The following ANAPC7 variants were observed in gnomAD, a reference collection of about 807,000 sequenced individuals.
The protein encoded by ANAPC7 is anaphase promoting complex subunit 7.
Under a neutral mutation model 63.3 loss-of-function variants are expected in ANAPC7, and 25 were observed. The ratio of observed to expected loss-of-function variants is 0.39; its 90% CI spans 0.29 to 0.55. The LOEUF (loss-of-function observed/expected upper bound fraction) is 0.55, where lower values mean the gene tolerates loss of function less well. ANAPC7 is among the 20% of genes least tolerant of loss of function. ANAPC7 has a pLI of 0.57. For synonymous variants in ANAPC7, 241 were observed against 251.7 expected (o/e 0.96, Z 0.40); for missense variants, 516 against 691.7 (o/e 0.75, Z 2.85).
intron 1 of ANAPC7, among the ~76,000 whole-genome samples, chr12:110,402,721 A>G (rs1024506119): frequency 6.6e-6 from 1 of 151,996 alleles, no homozygotes; most frequent in Non-Finnish European, 1.5e-5. Context: ...CGCCACGCCC[A>G]CCCATTAATG....
intron 1 of ANAPC7, among the ~76,000 whole-genome samples, chr12:110,399,022 C>CTT (rs764219174): frequency 2.8e-4 from 38 of 136,256 alleles, no homozygotes; most frequent in African/African-American, 8.0e-4. Context: ...CTGAATAATT[C>CTT]TTTTTTTTTT....
chr12:110,403,053 G>A (rs1263110554), intron 1 of ANAPC7, among the ~76,000 whole-genome samples: 1 of 152,152 alleles, frequency 6.6e-6, no homozygotes, highest in Non-Finnish European at 1.5e-5. Context: ...CGTTTTCAGG[G>A]GTTTCCCAAG....
At chr12:110,394,584 C>T (rs2137977741) in intron 3 of ANAPC7, among the ~76,000 whole-genome samples, 1 of 141,662 alleles carries the variant, frequency 7.1e-6, no homozygotes, top group East Asian at 2.1e-4. Context: ...AGCCCCCATG[C>T]TATTGCACTC....
intron 6 of ANAPC7, 146 bp from the exon 7 acceptor site, chr12:110,383,106 C>A: frequency 1.7e-6 from 1 of 595,010 alleles, no homozygotes; most frequent in Non-Finnish European, 3.0e-6. Flanking sequence ...CAGGCTCCTC[C>A]AACTACTATT....
intron 5 of ANAPC7, chr12:110,387,432 ACC>A (rs112118902): frequency 0.014 from 1,239 of 89,082 alleles, 188 homozygotes; most frequent in African/African-American, 0.086. Flanking sequence ...AGAGAGAGAG[ACC>A]GACCTTGTCT....
intron 9 of ANAPC7, 137 bp from the exon 10 acceptor site, chr12:110,376,353 T>C (rs1293850269): frequency 1.4e-5 from 13 of 928,170 alleles, no homozygotes; most frequent in East Asian, 5.3e-5. Flanking sequence ...TGAAGCCCTA[T>C]TCAGTTAAGA....
At chr12:110,399,794 CAAAA>C (rs60764482) in intron 1 of ANAPC7, among the ~76,000 whole-genome samples, 4 of 60,664 alleles carry the variant, frequency 6.6e-5, no homozygotes, top group Admixed American at 1.9e-4. Flanking sequence ...CTGTCTCAGA[CAAAA>C]AAAAAAAAAA....
chr12:110,387,311 C>CAGAGAGAGAGAGAGAG (rs1566269029), intron 5 of ANAPC7: 1 of 33,478 alleles, frequency 3.0e-5, no homozygotes, highest in Non-Finnish European at 5.5e-5. Context: ...GAGAGAGAGA[C>CAGAGAGAGAGAGAGAG]AGAGAGACAG....
intron 7 of ANAPC7, among the ~76,000 whole-genome samples, chr12:110,382,440 TTAAA>T (rs1429595888): frequency 1.9e-4 from 5 of 26,758 alleles, no homozygotes; most frequent in Admixed American, 6.2e-4. Flanking sequence ...GATTATCCTT[TTAAA>T]AAAAAAAAAA....
intron 6 of ANAPC7, among the ~76,000 whole-genome samples, chr12:110,385,102 TA>T (rs952726139): frequency 6.6e-6 from 1 of 151,880 alleles, no homozygotes; most frequent in Non-Finnish European, 1.5e-5. Flanking sequence ...CCGTCTCTTC[TA>T]AAAAAATACA....
intron 9 of ANAPC7, among the ~76,000 whole-genome samples, chr12:110,376,547 CAA>C (rs1566257945): frequency 9.3e-6 from 1 of 108,000 alleles, no homozygotes; most frequent in Non-Finnish European, 1.7e-5. Context: ...CCAGTCTGGG[CAA>C]CAGAGCGAGA....
At chr12:110,400,774 G>A (rs564666418) in intron 1 of ANAPC7, among the ~76,000 whole-genome samples, 3 of 152,062 alleles carry the variant, frequency 2.0e-5, no homozygotes, top group African/African-American at 4.8e-5. Context: ...GGCTGGGCTC[G>A]GTGGCTCACG....
In ANAPC7 at chr12:110,386,427, T is replaced by C. The variant is rs777382780; in HGVS notation, c.717A>G (p.Leu239=). 8 of 1,613,948 alleles carry C rather than the reference T, an allele frequency of 5.0e-6. No individual in the cohort carries two copies. Among genetic ancestry groups the C allele is most frequent in the Admixed American group, 3.3e-5 (2 of 59,970 alleles). ...AGTACAGATCTGCCAAGCTTCCCAATAGGTCCACGTTATCTCGCAATAAGG... is the reference window on the plus strand; with the variant it reads ...AGTACAGATCTGCCAAGCTTCCCAACAGGTCCACGTTATCTCGCAATAAGG... ...KKSLLRDNVD[L]LGSLADLYFR... Residue 239 remains leucine (L), a synonymous_variant, in exon 6 of 11, where the codon CTA becomes CTG. Coordinates refer to ENST00000455511, the MANE Select transcript of ANAPC7 (RefSeq NM_016238.3).
At chr12:110,389,374 AG>A (rs997087246) in intron 3 of ANAPC7, among the ~76,000 whole-genome samples, 5 of 152,230 alleles carry the variant, frequency 3.3e-5, no homozygotes, top group African/African-American at 1.2e-4. Context: ...TTTCCTAATA[AG>A]GAAATGATAC....
chr12:110,373,542 A>T lies in ANAPC7; in HGVS notation c.*602T>A, dbSNP rs1880999189. The T allele has an allele frequency of 6.6e-6, 1 of 152,306 alleles. No homozygotes were observed. Among genetic ancestry groups the T allele is most frequent in the South Asian group, 2.1e-4 (1 of 4,826 alleles). The allele number at this position is 152,306 out of a possible 1,614,324, so 9.4% of individuals were successfully genotyped here. A position where few individuals can be genotyped will look rare whatever the true frequency, so the allele number is the denominator to read the frequency against. On this transcript the variant is annotated 3_prime_UTR_variant, in exon 11 of 11. Transcript: ENST00000455511. ...TGCACCTCTGGTTCATGCTCTTGTC[A>T]CACCTGTTTCTCAGATCAGCCCAGG...
At chr12:110,380,246 G>C (rs955152514) in intron 8 of ANAPC7, among the ~76,000 whole-genome samples, 6 of 152,042 alleles carry the variant, frequency 3.9e-5, no homozygotes, top group Admixed American at 2.6e-4. Flanking sequence ...AGCTACTCAG[G>C]AGGCTGAAGC....
intron 1 of ANAPC7, among the ~76,000 whole-genome samples, chr12:110,397,733 T>A (rs931321663): frequency 2.0e-4 from 30 of 151,362 alleles, no homozygotes; most frequent in African/African-American, 6.8e-4. Flanking sequence ...CCGTCTCTAC[T>A]AAAAATACAA....
At chr12:110,398,060 A>G (rs1046948061) in intron 1 of ANAPC7, among the ~76,000 whole-genome samples, 22 of 152,142 alleles carry the variant, frequency 1.4e-4, no homozygotes, top group African/African-American at 4.6e-4. Context: ...AGCCTGGCCA[A>G]TAAGGTGAAA....
chr12:110,381,331 TTTG>T (rs1240857018), intron 8 of ANAPC7, among the ~76,000 whole-genome samples: 7 of 152,028 alleles, frequency 4.6e-5, no homozygotes, highest in South Asian at 4.2e-4. Flanking sequence ...ATGATGTTTT[TTTG>T]TTGTTGTTGT....
Sources: gnomAD v4.1 joint callset for allele counts (sites outside exome capture counted in the v4.1 genomes callset) on GRCh38, gnomAD v4.1.1 for gene constraint, MANE v1.5 for transcripts, NCBI Gene and HGNC (gene_info 2026-07-23, HGNC 2026-07-21) for gene names.